The following GALNT17 variants were observed in gnomAD, a reference collection of about 807,000 sequenced individuals.
GALNT17 encodes UDP-GalNAc:polypeptide N-acetylgalactosaminyltransferase-like 3.
A neutral mutation model predicts 63.7 loss-of-function variants in GALNT17; 29 were observed. The ratio of observed to expected loss-of-function variants is 0.46; its 90% CI spans 0.34 to 0.62. The LOEUF (loss-of-function observed/expected upper bound fraction) is 0.62. Among genes scored for constraint, GALNT17 ranks in the 20% least tolerant of loss-of-function variants. The probability of loss-of-function intolerance (pLI) is 0.01; values close to 1 mark genes in which losing one functional copy is unlikely to be tolerated. For synonymous variants in GALNT17, 305 were observed against 318.3 expected (o/e 0.96, Z 0.45); for missense variants, 603 against 799.6 (o/e 0.75, Z 2.97).
At chr7:71,328,941 C>T (rs780635574) in intron 1 of GALNT17, among the ~76,000 whole-genome samples, 1 of 152,126 alleles carries the variant, frequency 6.6e-6, no homozygotes, top group Non-Finnish European at 1.5e-5. Context: ...CTCCTTCTGG[C>T]CCCTCTGACT....
At chr7:71,199,041 T>G (rs1789111573) in intron 1 of GALNT17, among the ~76,000 whole-genome samples, 1 of 152,160 alleles carries the variant, frequency 6.6e-6, no homozygotes, top group African/African-American at 2.4e-5. Context: ...GATAATACTT[T>G]GAGAACCTCT....
chr7:71,677,449 A>AGT, intron 9 of GALNT17, 143 bp downstream of exon 9: 1 of 735,334 alleles, frequency 1.4e-6, no homozygotes. Context: ...AGAAGGTAGG[A>AGT]GTCTTTCTGG....
At chr7:71,498,343 G>C (rs187897796) in intron 5 of GALNT17, among the ~76,000 whole-genome samples, 6 of 152,046 alleles carry the variant, frequency 3.9e-5, no homozygotes, top group Admixed American at 3.9e-4. Context: ...CGGGTCTGGC[G>C]GTTCACGTCT....
intron 5 of GALNT17, among the ~76,000 whole-genome samples, chr7:71,481,003 C>T (rs1316454569): frequency 6.6e-6 from 1 of 152,222 alleles, no homozygotes; most frequent in Non-Finnish European, 1.5e-5. Flanking sequence ...ATAAGACAAA[C>T]AGACCACATC....
At chr7:71,644,390 C>T (rs1790644966) in intron 6 of GALNT17, among the ~76,000 whole-genome samples, 1 of 151,550 alleles carries the variant, frequency 6.6e-6, no homozygotes, top group African/African-American at 2.4e-5. Context: ...CAAAAATTAG[C>T]TTGGTATGGT....
intron 1 of GALNT17, among the ~76,000 whole-genome samples, chr7:71,207,866 G>A (rs906315865): frequency 1.3e-5 from 2 of 152,066 alleles, no homozygotes; most frequent in South Asian, 4.1e-4. Context: ...TTTGTCATGG[G>A]TACAACATTT....
intron 6 of GALNT17, among the ~76,000 whole-genome samples, chr7:71,612,531 G>A (rs982216453): frequency 6.6e-6 from 1 of 152,188 alleles, no homozygotes; most frequent in Non-Finnish European, 1.5e-5. Flanking sequence ...TTAAGTGTGA[G>A]CTTTTTGGCA....
intron 1 of GALNT17, among the ~76,000 whole-genome samples, chr7:71,299,769 A>AT (rs529386783): frequency 3.6e-4 from 53 of 149,046 alleles, no homozygotes; most frequent in Middle Eastern, 3.5e-3. Context: ...TATTATTACA[A>AT]TTTTTTTTTT....
chr7:71,596,765 G>A (rs6949299), intron 6 of GALNT17, among the ~76,000 whole-genome samples: 41,748 of 151,896 alleles, frequency 0.27, 6,096 homozygotes, highest in African/African-American at 0.31. Context: ...GCACAGAGTC[G>A]GGGACCACTT....
At chr7:71,694,296 G>C (rs187843569) in intron 9 of GALNT17, among the ~76,000 whole-genome samples, 272 of 152,028 alleles carry the variant, frequency 1.8e-3, no homozygotes, top group Non-Finnish European at 3.4e-3. Context: ...GATTTGGGTG[G>C]GGACAGAGTC....
In GALNT17 at chr7:71,665,742, G is replaced by T. The variant is rs1790975846; in HGVS notation, c.1266+146G>T. The T allele has an allele frequency of 9.6e-6, 9 of 941,978 alleles. No homozygotes were observed. The Admixed American group carries it at 1.6e-4, about 17-fold the overall frequency. 58.4% of individuals were successfully genotyped at this position (941,978 alleles called of 1,614,324 possible). A position where few individuals can be genotyped will look rare whatever the true frequency, so the allele number is the denominator to read the frequency against. Reference sequence around the variant, plus strand: ...ATGCATTTCAAAGGGATTCACAGATGTCTCAGCTTTAGAACTCCTGCCTAA... The same window carrying T: ...ATGCATTTCAAAGGGATTCACAGATTTCTCAGCTTTAGAACTCCTGCCTAA... On this transcript the variant is annotated intron_variant, in intron 7 of 10. Transcript: ENST00000333538.
At position 71,184,056 on chromosome 7, in the gene GALNT17, A is replaced by C. The variant is rs145860971; in HGVS notation, c.238+51016A>C. Among the ~76,000 whole-genome samples, 227 of 152,278 alleles carry C rather than the reference A, an allele frequency of 1.5e-3. 5 individuals are homozygous for C. Among genetic ancestry groups the C allele is most frequent in the African/African-American group, 5.2e-3 (215 of 41,554 alleles). ...CTATTGGGAGATACGGTCGTTAACGAGGTAATTAAATGAAAATGAAGGTGT... is the reference window on the plus strand; with the variant it reads ...CTATTGGGAGATACGGTCGTTAACGCGGTAATTAAATGAAAATGAAGGTGT... On this transcript the variant is annotated intron_variant, in intron 1 of 10. Coordinates refer to ENST00000333538, the MANE Select transcript of GALNT17 (RefSeq NM_022479.3).
chr7:71,622,845 A>G (rs939783819), intron 6 of GALNT17, among the ~76,000 whole-genome samples: 3 of 152,204 alleles, frequency 2.0e-5, no homozygotes, highest in African/African-American at 7.2e-5. Flanking sequence ...GGTAATGTTT[A>G]GAATGTCTCT....
chr7:71,301,180 G>A (rs964340309), intron 1 of GALNT17, among the ~76,000 whole-genome samples: 4 of 151,788 alleles, frequency 2.6e-5, no homozygotes, highest in Middle Eastern at 3.4e-3. Context: ...CCAGCTACTC[G>A]GGAGGCTGAG....
chr7:71,555,618 C>T (rs187826104), intron 5 of GALNT17, among the ~76,000 whole-genome samples: 1 of 152,214 alleles, frequency 6.6e-6, no homozygotes, highest in African/African-American at 2.4e-5. Context: ...GGCATTGGAA[C>T]TATCCCATAT....
rs976060075 is a variant in GALNT17, at chr7:71,424,326, C to T, written c.962+3221C>T. Among the ~76,000 whole-genome samples the T allele has an allele frequency of 5.7e-4, 87 of 152,302 alleles. 1 individual carries two copies. The highest frequency in any genetic ancestry group is 2.0e-3 in the African/African-American group (82 of 41,566). ...TTTCTCCCAAGTCTTCACACTGATA[C>T]ACGGGAGACTGGCCTCCAGCCAGGA... is the stretch of plus-strand genomic sequence containing the variant. On this transcript the variant is annotated intron_variant, in intron 5 of 10. Coordinates refer to ENST00000333538, the MANE Select transcript of GALNT17 (RefSeq NM_022479.3).
At chr7:71,237,159 C>T (rs535342265) in intron 1 of GALNT17, among the ~76,000 whole-genome samples, 51 of 152,270 alleles carry the variant, frequency 3.3e-4, no homozygotes, top group South Asian at 2.1e-4. Flanking sequence ...CAGATCGCCT[C>T]CTTCTTTAAA....
intron 6 of GALNT17, among the ~76,000 whole-genome samples, chr7:71,631,933 G>C (rs534269272): frequency 5.7e-4 from 86 of 151,160 alleles, no homozygotes; most frequent in African/African-American, 2.0e-3. Flanking sequence ...TGTGTGTAGA[G>C]ACAGGGGTCT....
intron 6 of GALNT17, among the ~76,000 whole-genome samples, chr7:71,657,011 T>C (rs1477531569): frequency 6.6e-6 from 1 of 152,184 alleles, no homozygotes; most frequent in African/African-American, 2.4e-5. Flanking sequence ...AATGGCACAA[T>C]TGAAAACTCT....
Sources: allele counts gnomAD v4.1 joint callset (sites outside exome capture counted in the v4.1 genomes callset), GRCh38; gene constraint gnomAD v4.1.1; transcripts MANE v1.5; gene names NCBI Gene and HGNC (gene_info 2026-07-23, HGNC 2026-07-21).